RPIA: variants seen among roughly 807,000 people sequenced by gnomAD.
RPIA encodes ribose-5-phosphate isomerase.
A neutral mutation model predicts 37.8 loss-of-function variants in RPIA; 29 were observed. The ratio of observed to expected loss-of-function variants is 0.77; its 90% confidence interval spans 0.57 to 1.05. The LOEUF is 1.05. RPIA is among the 50% of genes least tolerant of loss of function. The pLI, the probability that RPIA is intolerant of heterozygous loss-of-function variation, is 0.00. For missense variants in RPIA, 385 were observed against 413.6 expected (o/e 0.93, Z 0.60); for synonymous variants, 167 against 157.0 (o/e 1.06, Z -0.48).
At chr2:88,746,031 C>T (rs1351667117) in intron 8 of RPIA, among the ~76,000 whole-genome samples, 1 of 152,072 alleles carries the variant, frequency 6.6e-6, no homozygotes, top group Non-Finnish European at 1.5e-5. Context: ...AAAGCCTTGT[C>T]TTCGAGCTCT....
At position 88,713,905 on chromosome 2, in the gene RPIA, T is replaced by G. The variant is rs149113360; in HGVS notation, c.402+13841T>G. Among the ~76,000 whole-genome samples, 533 of 151,244 alleles carry G rather than the reference T, an allele frequency of 3.5e-3. 5 individuals carry two copies. The highest frequency in any genetic ancestry group is 0.012 in the African/African-American group (487 of 40,816). ...GTAGTAGGATCTTGTTCTTGTTTTA[T>G]GGTTAATTTTTTTTTTTTTCAATTT... On this transcript the variant is annotated intron_variant, in intron 3 of 8. Coordinates refer to ENST00000283646, the MANE Select transcript of RPIA (RefSeq NM_144563.3).
chr2:88,699,196 T>C (rs1307699789), intron 2 of RPIA, among the ~76,000 whole-genome samples: 1 of 152,230 alleles, frequency 6.6e-6, no homozygotes, highest in Non-Finnish European at 1.5e-5. Context: ...GTTTTAGTGC[T>C]GGTGTGATGG....
At chr2:88,697,212 G>T (rs1181374901) in intron 1 of RPIA, among the ~76,000 whole-genome samples, 1 of 152,182 alleles carries the variant, frequency 6.6e-6, no homozygotes, top group Non-Finnish European at 1.5e-5. Context: ...CCCATTGGAA[G>T]GATATCCAGT....
chr2:88,727,726 T>G (rs1031362442), intron 3 of RPIA, among the ~76,000 whole-genome samples: 15 of 152,240 alleles, frequency 9.9e-5, no homozygotes, highest in Non-Finnish European at 1.9e-4. Context: ...TCTCTCTTTT[T>G]GTTTTTAACG....
intron 1 of RPIA, among the ~76,000 whole-genome samples, chr2:88,696,177 AAATT>A: frequency 6.6e-6 from 1 of 152,308 alleles, no homozygotes; most frequent in East Asian, 1.9e-4. Flanking sequence ...TTTGTCAAAT[AAATT>A]AATTGTTAAT....
chr2:88,735,716 T>C lies in RPIA; in HGVS notation c.575T>C (p.Phe192Ser). 6.2e-7 allele frequency: 1 copy of C among 1,614,134 alleles called. No individual in the cohort carries two copies. Among genetic ancestry groups the C allele is most frequent in the South Asian group, 1.1e-5 (1 of 91,078 alleles). The change falls in exon 6 of 9, where the codon TTC becomes TCC. Residue 192 changes from phenylalanine (F) to serine (S), a missense_variant. Phe to Ser is a radical substitution (Grantham distance 155, BLOSUM62 -2). Around this residue, in one of 2 missense-constraint regions of RPIA, gnomAD observed 153 missense variants for 210.6 expected, o/e 0.73. Transcript: ENST00000283646. Reference protein sequence around the residue: ...EKIVAGYASRFIVIADFRKDS... With the variant: ...EKIVAGYASRSIVIADFRKDS... ...ATTGTGGCTGGCTATGCTAGTCGCT[T>C]CATCGTGATCGCTGATTTCAGGTAC...
chr2:88,707,721 A>G (rs999103264), intron 3 of RPIA, among the ~76,000 whole-genome samples: 1 of 152,240 alleles, frequency 6.6e-6, no homozygotes, highest in African/African-American at 2.4e-5. Flanking sequence ...TGCTATGGCA[A>G]GGCACATAAG....
intron 7 of RPIA, 96 bp from the exon 8 acceptor site, chr2:88,737,881 A>G (rs1044360184): frequency 1.1e-5 from 10 of 899,166 alleles, no homozygotes; most frequent in Non-Finnish European, 1.7e-5. Flanking sequence ...AGCAGGTTAA[A>G]ATGCATACTT....
At chr2:88,717,282 A>C (rs1032055568) in intron 3 of RPIA, among the ~76,000 whole-genome samples, 1 of 152,174 alleles carries the variant, frequency 6.6e-6, no homozygotes, top group African/African-American at 2.4e-5. Flanking sequence ...AGTTGAGGAC[A>C]TGTGCCTGTG....
At position 88,721,296 on chromosome 2, in the gene RPIA, G is replaced by A. The variant is rs111960359; in HGVS notation, c.403-7982G>A. On this transcript the variant is annotated intron_variant, in intron 3 of 8. Coordinates refer to ENST00000283646, the MANE Select transcript of RPIA (RefSeq NM_144563.3). ...GGGTGGATGGGTACAGCAAACCACC[G>A]TGGCATGTATATACCTATGTAGCAA... 3.9e-3 allele frequency among the ~76,000 whole-genome samples: 585 copies of A among 151,756 alleles called. 2 individuals carry two copies. Among genetic ancestry groups the A allele is most frequent in the African/African-American group, 0.012 (498 of 41,342 alleles).
At chr2:88,743,771 A>G (rs1673409621) in intron 8 of RPIA, among the ~76,000 whole-genome samples, 2 of 151,714 alleles carry the variant, frequency 1.3e-5, no homozygotes, top group Admixed American at 6.6e-5. Flanking sequence ...AGAGGCTTGT[A>G]TATTTCCAGA....
chr2:88,740,556 A>G (rs1338036459), intron 8 of RPIA, among the ~76,000 whole-genome samples: 7 of 152,178 alleles, frequency 4.6e-5, no homozygotes, highest in Non-Finnish European at 7.3e-5. Flanking sequence ...GTATGTGAGG[A>G]CGCTTAGAAA....
At chr2:88,709,374 A>G (rs996848716) in intron 3 of RPIA, among the ~76,000 whole-genome samples, 1 of 152,228 alleles carries the variant, frequency 6.6e-6, no homozygotes, top group African/African-American at 2.4e-5. Flanking sequence ...GATAAAATCC[A>G]CTTGCCAGAT....
chr2:88,713,670 C>T (rs1477537661), intron 3 of RPIA, among the ~76,000 whole-genome samples: 2 of 152,072 alleles, frequency 1.3e-5, no homozygotes, highest in African/African-American at 4.8e-5. Flanking sequence ...AATATTTTCC[C>T]TATTGTTTAT....
chr2:88,727,858 G>GT (rs1409240345), intron 3 of RPIA, among the ~76,000 whole-genome samples: 4 of 151,924 alleles, frequency 2.6e-5, no homozygotes, highest in Admixed American at 6.6e-5. Flanking sequence ...AAATCATAAG[G>GT]TTTTTTTTGA....
chr2:88,723,979 A>G (rs1311138247), intron 3 of RPIA, among the ~76,000 whole-genome samples: 1 of 152,170 alleles, frequency 6.6e-6, no homozygotes, highest in Non-Finnish European at 1.5e-5. Flanking sequence ...TGAGCATCTG[A>G]TTAGCCTTTC....
At chr2:88,706,596 G>T (rs1037882899) in intron 3 of RPIA, among the ~76,000 whole-genome samples, 16 of 152,014 alleles carry the variant, frequency 1.1e-4, no homozygotes, top group African/African-American at 4.8e-5. Flanking sequence ...AATAGCTAAT[G>T]CATGCAGGGC....
intron 4 of RPIA, among the ~76,000 whole-genome samples, chr2:88,733,907 G>T (rs565876444): frequency 2.0e-5 from 3 of 152,130 alleles, no homozygotes; most frequent in Admixed American, 1.3e-4. Context: ...GGGGCTTGTG[G>T]TGGAGCTTCC....
intron 3 of RPIA, among the ~76,000 whole-genome samples, chr2:88,715,813 A>G (rs1044327592): frequency 1.3e-5 from 2 of 152,062 alleles, no homozygotes; most frequent in Non-Finnish European, 2.9e-5. Flanking sequence ...CTCCTCTTTC[A>G]TGAGGTTTAT....
Sources: gnomAD v4.1 joint callset for allele counts (sites outside exome capture counted in the v4.1 genomes callset) on GRCh38, gnomAD v4.1.1 for gene constraint, gnomAD v4.1.1 regional missense constraint, MANE v1.5 for transcripts, NCBI Gene and HGNC (gene_info 2026-07-23, HGNC 2026-07-21) for gene names.